SPATS1: variants seen among roughly 807,000 people sequenced by gnomAD.
SPATS1 encodes the protein spermatogenesis-associated serine-rich protein 1.
In SPATS1, 23 loss-of-function variants were observed where a neutral mutation model predicts 33.6. The ratio of observed to expected loss-of-function variants is 0.68; its 90% CI spans 0.49 to 0.97. The LOEUF is 0.97. SPATS1 is among the 50% of genes least tolerant of loss of function. The pLI is 0.00. For synonymous variants in SPATS1, 131 were observed against 125.6 expected, an observed-to-expected ratio of 1.04 and a Z score of -0.29; for missense variants, 327 against 361.0, an observed-to-expected ratio of 0.91 and a Z score of 0.76.
intron 3 of SPATS1, 32 bp downstream of exon 3, chr6:44,352,905 G>A: frequency 6.2e-7 from 1 of 1,605,098 alleles, no homozygotes; most frequent in Non-Finnish European, 8.5e-7. Context: ...AGCTGTCACG[G>A]TTGGGGAGAT....
chr6:44,347,587 A>G (rs1033746833), intron 2 of SPATS1, among the ~76,000 whole-genome samples: 4 of 152,166 alleles, frequency 2.6e-5, no homozygotes, highest in African/African-American at 9.7e-5. Flanking sequence ...ACTTTCACTT[A>G]CTTTTTTCGG....
At chr6:44,348,420 C>A (rs1788032007) in intron 2 of SPATS1, among the ~76,000 whole-genome samples, 1 of 150,988 alleles carries the variant, frequency 6.6e-6, no homozygotes, top group African/African-American at 2.4e-5. Context: ...TGATTTTATT[C>A]CTTAAAATCT....
At position 44,354,741 on chromosome 6, in the gene SPATS1, C is replaced by T. The variant is rs187544772; in HGVS notation, c.287+1868C>T. Among the ~76,000 whole-genome samples the T allele has an allele frequency of 6.3e-3, 955 of 152,310 alleles. 10 individuals carry two copies. The highest frequency in any genetic ancestry group is 0.02 in the African/African-American group (834 of 41,570). On this transcript the variant is annotated intron_variant, in intron 3 of 8. Coordinates refer to ENST00000674044, the MANE Select transcript of SPATS1 (RefSeq NM_001372081.1). ...AAAGCCCCTAGTTTACAATAGGGCT[C>T]ACTCTTGGTGTTGCACAGTCTATGG...
intron 6 of SPATS1, among the ~76,000 whole-genome samples, chr6:44,369,499 G>A (rs915227408): frequency 4.6e-5 from 7 of 151,944 alleles, no homozygotes; most frequent in South Asian, 2.1e-4. Context: ...GCAGTGAGCC[G>A]AGATTGCAGC....
At chr6:44,343,687 G>C (rs1331299171) in intron 2 of SPATS1, 1 of 349,908 alleles carries the variant, frequency 2.9e-6, no homozygotes, top group Non-Finnish European at 5.6e-6. Context: ...TGAGAATTAT[G>C]AACACTCTAA....
intron 3 of SPATS1, among the ~76,000 whole-genome samples, chr6:44,354,720 C>A (rs768473846): frequency 6.6e-6 from 1 of 152,198 alleles, no homozygotes; most frequent in African/African-American, 2.4e-5. Flanking sequence ...TCACCCAAAG[C>A]CCCTAGTTTA....
chr6:44,363,195 C>T (rs1358440090), intron 5 of SPATS1, among the ~76,000 whole-genome samples: 2 of 151,866 alleles, frequency 1.3e-5, no homozygotes. Flanking sequence ...TGCAGTGCCA[C>T]CATCTTGGCT....
intron 3 of SPATS1, 32 bp from the exon 4 acceptor site, chr6:44,360,413 GC>G (rs1403680746): frequency 6.2e-7 from 1 of 1,613,374 alleles, no homozygotes; most frequent in Non-Finnish European, 8.5e-7. Flanking sequence ...ACCAGTTTAA[GC>G]ACGTGGAAGA....
At chr6:44,343,455 A>G in intron 2 of SPATS1, 1 of 643,002 alleles carries the variant, frequency 1.6e-6, no homozygotes, top group South Asian at 1.5e-5. Context: ...AAATTACCTC[A>G]CTGGATCTCA....
At chr6:44,374,208 A>G (rs568266107) in intron 7 of SPATS1, among the ~76,000 whole-genome samples, 16 of 152,310 alleles carry the variant, frequency 1.1e-4, no homozygotes, top group African/African-American at 3.8e-4. Flanking sequence ...CTTAATCAGG[A>G]TGGAAAGTTA....
At chr6:44,368,336 T>C (rs1228853951) in intron 5 of SPATS1, 43 bp from the exon 6 acceptor site, 1 of 1,602,368 alleles carries the variant, frequency 6.2e-7, no homozygotes, top group African/African-American at 1.3e-5. Flanking sequence ...CTGTGGATCA[T>C]CTTCAGCCCT....
At chr6:44,345,423 G>C (rs1031246239) in intron 2 of SPATS1, among the ~76,000 whole-genome samples, 4 of 152,132 alleles carry the variant, frequency 2.6e-5, no homozygotes, top group African/African-American at 7.2e-5. Flanking sequence ...TAAAGTTTTA[G>C]GTGTGTTTCA....
At chr6:44,348,320 A>T (rs571799163) in intron 2 of SPATS1, among the ~76,000 whole-genome samples, 57 of 151,730 alleles carry the variant, frequency 3.8e-4, no homozygotes, top group Admixed American at 3.9e-4. Flanking sequence ...TGTGTTTAAA[A>T]TTTTTTCTTG....
At chr6:44,365,525 T>G (rs1156488277) in intron 5 of SPATS1, among the ~76,000 whole-genome samples, 1 of 152,348 alleles carries the variant, frequency 6.6e-6, no homozygotes, top group East Asian at 1.9e-4. Context: ...TGCTGTCTGC[T>G]TTTATCTGTG....
At chr6:44,357,962 T>C (rs930257542) in intron 3 of SPATS1, among the ~76,000 whole-genome samples, 1 of 152,184 alleles carries the variant, frequency 6.6e-6, no homozygotes, top group Non-Finnish European at 1.5e-5. Context: ...CTTTTTGCTC[T>C]TGTGAAGAAG....
chr6:44,370,360 T>A (rs1035016151), intron 7 of SPATS1, among the ~76,000 whole-genome samples: 4 of 152,150 alleles, frequency 2.6e-5, no homozygotes, highest in Non-Finnish European at 5.9e-5. Flanking sequence ...GTGCTAGCCA[T>A]GCACTATAGG....
intron 7 of SPATS1, among the ~76,000 whole-genome samples, chr6:44,374,294 C>T (rs1789802753): frequency 6.6e-6 from 1 of 152,110 alleles, no homozygotes. Flanking sequence ...TTCACTTGGC[C>T]TAGTTTGGAC....
In SPATS1 at chr6:44,379,599, C is replaced by CAAAAAAAAA. The variant is rs55976441; in HGVS notation, c.*2556_*2564dup. Among the ~76,000 whole-genome samples, 7 of 54,740 alleles carry CAAAAAAAAA rather than the reference C, an allele frequency of 1.3e-4. No homozygotes were observed. Among genetic ancestry groups the CAAAAAAAAA allele is most frequent in the Admixed American group, 3.0e-4 (1 of 3,308 alleles). 35.9% of individuals were successfully genotyped at this position (54,740 alleles called of 152,430 possible). On this transcript the variant is annotated 3_prime_UTR_variant, in exon 9 of 9. Transcript: ENST00000674044. ...TGGGCAACAGAGTGAGACTCTGTCT[C>CAAAAAAAAA]AAAAAAAAAAAAAAAAAAAAAAAAA... is the stretch of plus-strand genomic sequence containing the variant.
chr6:44,362,098 C>T (rs1561958163), intron 5 of SPATS1, 106 bp downstream of exon 5: 5 of 1,399,444 alleles, frequency 3.6e-6, no homozygotes, highest in South Asian at 1.3e-5. Context: ...GTAGAGTCAC[C>T]ATGTTCCCCT....
Sources: gnomAD v4.1 joint callset for allele counts (sites outside exome capture counted in the v4.1 genomes callset) on GRCh38, gnomAD v4.1.1 for gene constraint, MANE v1.5 for transcripts, NCBI Gene and HGNC (gene_info 2026-07-23, HGNC 2026-07-21) for gene names.